Variants in KCNMB2 observed in about 807,000 individuals in gnomAD.
KCNMB2 encodes the protein potassium calcium-activated channel subfamily M regulatory beta subunit 2, also known as calcium-activated potassium channel subunit beta-2.
A neutral mutation model predicts 24.5 loss-of-function variants in KCNMB2; 9 were observed. The ratio of observed to expected loss-of-function variants is 0.37; its 90% CI spans 0.22 to 0.64. The LOEUF (loss-of-function observed/expected upper bound fraction) is 0.64. Ranked by LOEUF, KCNMB2 falls within the 30% of genes least tolerant of loss-of-function variation. The pLI, the probability that KCNMB2 is intolerant of heterozygous loss-of-function variation, is 0.63. For missense variants in KCNMB2, 226 were observed against 284.3 expected (o/e 0.79, Z 1.47); for synonymous variants, 109 against 104.4 (o/e 1.04, Z -0.27).
chr3:178,539,718 A>T (rs1476104489), intron 1 of KCNMB2, among the ~76,000 whole-genome samples: 1 of 151,610 alleles, frequency 6.6e-6, no homozygotes, highest in Non-Finnish European at 1.5e-5. Flanking sequence ...AAGGGGAAAG[A>T]GAGAGAGAGA....
chr3:178,670,061 G>C (rs952630145), intron 1 of KCNMB2, among the ~76,000 whole-genome samples: 1 of 152,138 alleles, frequency 6.6e-6, no homozygotes, highest in African/African-American at 2.4e-5. Context: ...AGCTTTCTCA[G>C]TGGAAAGTGA....
At chr3:178,760,140 A>C (rs867556151) in intron 1 of KCNMB2, among the ~76,000 whole-genome samples, 1 of 32,614 alleles carries the variant, frequency 3.1e-5, no homozygotes, top group South Asian at 9.4e-4. Flanking sequence ...ATATATATAT[A>C]TCCAAGAGGA....
intron 1 of KCNMB2, among the ~76,000 whole-genome samples, chr3:178,668,648 T>G (rs1396353122): frequency 6.6e-6 from 1 of 152,236 alleles, no homozygotes; most frequent in Admixed American, 6.5e-5. Context: ...TCTAATAGTA[T>G]TGCTACAGTG....
At chr3:178,783,635 T>C (rs1462011149) in intron 1 of KCNMB2, among the ~76,000 whole-genome samples, 1 of 150,150 alleles carries the variant, frequency 6.7e-6, no homozygotes, top group African/African-American at 2.5e-5. Flanking sequence ...TTTTTGTACA[T>C]TGATTTTGTA....
intron 1 of KCNMB2, among the ~76,000 whole-genome samples, chr3:178,586,630 C>T (rs1179731644): frequency 2.1e-5 from 3 of 142,970 alleles, no homozygotes; most frequent in South Asian, 2.3e-4. Flanking sequence ...CTGCAACCTC[C>T]GCCTCCCGGG....
chr3:178,605,812 CAA>C (rs1229123321), intron 1 of KCNMB2, among the ~76,000 whole-genome samples: 6 of 152,104 alleles, frequency 3.9e-5, no homozygotes, highest in Non-Finnish European at 8.8e-5. Context: ...AATTCCCAAG[CAA>C]AGTGTTAAAA....
intron 1 of KCNMB2, among the ~76,000 whole-genome samples, chr3:178,761,946 C>T (rs567838759): frequency 5.9e-5 from 9 of 152,084 alleles, no homozygotes; most frequent in Non-Finnish European, 7.4e-5. Flanking sequence ...CCGAGGCGGG[C>T]GGATCACGAG....
intron 2 of KCNMB2, among the ~76,000 whole-genome samples, chr3:178,825,091 A>G (rs1714783719): frequency 6.6e-6 from 1 of 152,204 alleles, no homozygotes. Context: ...AATGTTAACC[A>G]AAATAACTTC....
intron 1 of KCNMB2, among the ~76,000 whole-genome samples, chr3:178,617,418 C>T (rs1197267712): frequency 1.3e-5 from 2 of 151,380 alleles, no homozygotes; most frequent in African/African-American, 2.4e-5. Flanking sequence ...ATTAGCCGGG[C>T]GTGGTGGCAG....
At chr3:178,655,641 T>C (rs1720307090) in intron 1 of KCNMB2, among the ~76,000 whole-genome samples, 1 of 152,122 alleles carries the variant, frequency 6.6e-6, no homozygotes, top group Non-Finnish European at 1.5e-5. Context: ...GAGTTAGCCC[T>C]GTAGAAAGGG....
chr3:178,639,148 T>C (rs914302434), intron 1 of KCNMB2, among the ~76,000 whole-genome samples: 1 of 152,194 alleles, frequency 6.6e-6, no homozygotes, highest in Non-Finnish European at 1.5e-5. Flanking sequence ...AGCAAAGCCA[T>C]GTTAAAATAA....
chr3:178,816,010 A>G (rs1375383624), intron 2 of KCNMB2, among the ~76,000 whole-genome samples: 2 of 151,826 alleles, frequency 1.3e-5, no homozygotes, highest in Non-Finnish European at 2.9e-5. Context: ...TTTTAGTATC[A>G]AAGTTTACTA....
At chr3:178,733,335 G>A (rs1723212861) in intron 1 of KCNMB2, among the ~76,000 whole-genome samples, 1 of 152,132 alleles carries the variant, frequency 6.6e-6, no homozygotes, top group Non-Finnish European at 1.5e-5. Context: ...GGGCAGATGA[G>A]ATCAGAGAGG....
At chr3:178,716,476 C>T (rs973186580) in intron 1 of KCNMB2, among the ~76,000 whole-genome samples, 2 of 141,426 alleles carry the variant, frequency 1.4e-5, no homozygotes, top group Non-Finnish European at 1.5e-5. Context: ...TGGAATCTTG[C>T]TCTGTTGCCC....
chr3:178,568,873 TA>T (rs1366018518), intron 1 of KCNMB2, among the ~76,000 whole-genome samples: 1 of 147,594 alleles, frequency 6.8e-6, no homozygotes, highest in Non-Finnish European at 1.5e-5. Flanking sequence ...GATAGATAGA[TA>T]GATAGATAGA....
At chr3:178,685,353 A>G (rs13081178) in intron 1 of KCNMB2, among the ~76,000 whole-genome samples, 49,694 of 152,134 alleles carry the variant, frequency 0.33, 8,831 homozygotes, top group African/African-American at 0.47. Context: ...CAAGGAATCC[A>G]CACTTGAGAA....
At chr3:178,590,871 C>T (rs577320775) in intron 1 of KCNMB2, among the ~76,000 whole-genome samples, 14 of 152,230 alleles carry the variant, frequency 9.2e-5, no homozygotes, top group Non-Finnish European at 1.2e-4. Context: ...ACTGCAATTA[C>T]GATTTTGGTG....
At chr3:178,778,671 C>G (rs556842582) in intron 1 of KCNMB2, among the ~76,000 whole-genome samples, 1 of 152,236 alleles carries the variant, frequency 6.6e-6, no homozygotes, top group East Asian at 1.9e-4. Flanking sequence ...ACAGTTTGTA[C>G]CTGCACGTTA....
intron 1 of KCNMB2, among the ~76,000 whole-genome samples, chr3:178,586,820 C>T (rs1717456830): frequency 6.6e-6 from 1 of 152,130 alleles, no homozygotes; most frequent in African/African-American, 2.4e-5. Flanking sequence ...GCTGGGATTA[C>T]AGGCGTGAAC....
Sources: gnomAD v4.1 joint callset for allele counts (sites outside exome capture counted in the v4.1 genomes callset) on GRCh38, gnomAD v4.1.1 for gene constraint, MANE v1.5 for transcripts, NCBI Gene and HGNC (gene_info 2026-07-23, HGNC 2026-07-21) for gene names.